TSPAN11: variants seen among roughly 807,000 people sequenced by gnomAD.
TSPAN11 encodes the protein tetraspanin-11.
In TSPAN11, 29 loss-of-function variants were observed where a neutral mutation model predicts 32.9. That is an observed-to-expected ratio of 0.88 (90% CI 0.66 to 1.20). TSPAN11 has a LOEUF of 1.20. Ranked by LOEUF, TSPAN11 falls within the 50% of genes most tolerant of loss-of-function variation. The pLI, the probability that TSPAN11 is intolerant of heterozygous loss-of-function variation, is 0.00. For missense variants in TSPAN11, 283 were observed against 329.1 expected (o/e 0.86, Z 1.08); for synonymous variants, 140 against 141.3 (o/e 0.99, Z 0.07).
At chr12:30,976,316 G>A (rs1281284433) in intron 3 of TSPAN11, among the ~76,000 whole-genome samples, 1 of 152,136 alleles carries the variant, frequency 6.6e-6, no homozygotes, top group African/African-American at 2.4e-5. Context: ...CTACACGAGG[G>A]GACCAAAGAA....
chr12:30,997,911 C>G (rs1382703084), downstream of TSPAN11, among the ~76,000 whole-genome samples: 1 of 152,194 alleles, frequency 6.6e-6, no homozygotes, highest in Non-Finnish European at 1.5e-5. Flanking sequence ...CAGGGGAGCT[C>G]CAGTCGCTCT....
intron 2 of TSPAN11, chr12:30,955,327 T>G (rs1453259159): frequency 6.6e-6 from 1 of 152,208 alleles, no homozygotes; most frequent in Admixed American, 6.5e-5. Flanking sequence ...ATAATAAAGC[T>G]GTGTTGATAT....
chr12:31,008,021 C>G, the TSPAN11 span, among the ~76,000 whole-genome samples: 190 of 152,350 alleles, frequency 1.2e-3, no homozygotes, highest in South Asian at 0.012. Context: ...AGGGCCGCAG[C>G]TCCCTGGAAC....
chr12:30,963,906 C>T lies in TSPAN11; in HGVS notation c.165C>T (p.Ser55=). 1.2e-6 allele frequency: 2 copies of T among 1,613,808 alleles called. No individual in the cohort carries two copies. Among genetic ancestry groups the T allele is most frequent in the Non-Finnish European group, 1.7e-6 (2 of 1,180,036 alleles). ...KSGYLSVLAS[S]TFAASAYILI... is the part of the protein sequence containing the mutation. ...GCTACCTCAGCGTCCTGGCCTCCAG[C>T]ACCTTTGCCGCCTCCGCCTACATCC... The change falls in exon 3 of 8, where the codon AGC becomes AGT. Residue 55 remains serine (S), a synonymous_variant. Coordinates refer to ENST00000546076, the MANE Select transcript of TSPAN11 (RefSeq NM_001370302.1).
chr12:30,993,194 C>A lies in TSPAN11; in HGVS notation c.*1279C>A, dbSNP rs1217202202. On this transcript the variant is annotated 3_prime_UTR_variant, in exon 8 of 8. Transcript: ENST00000546076. ...ACCTGGCTTCCACCCTCCCCAGCTCCTGCACTTCTCCCCAGAGCGGGACCC... is the reference window on the plus strand; with the variant it reads ...ACCTGGCTTCCACCCTCCCCAGCTCATGCACTTCTCCCCAGAGCGGGACCC... The A allele has an allele frequency of 6.6e-6, 1 of 152,308 alleles. No individual in the cohort carries two copies. Among genetic ancestry groups the A allele is most frequent in the African/African-American group, 2.4e-5 (1 of 41,462 alleles). The allele number at this position is 152,308 out of a possible 1,614,324, so 9.4% of individuals were successfully genotyped here.
At chr12:30,942,835 C>G (rs1432487341) in intron 1 of TSPAN11, among the ~76,000 whole-genome samples, 1 of 152,100 alleles carries the variant, frequency 6.6e-6, no homozygotes, top group Non-Finnish European at 1.5e-5. Flanking sequence ...TCGAGTTCTA[C>G]TGCACCATCC....
At chr12:30,972,265 T>C (rs895147253) in intron 3 of TSPAN11, among the ~76,000 whole-genome samples, 7 of 152,074 alleles carry the variant, frequency 4.6e-5, no homozygotes, top group African/African-American at 1.4e-4. Flanking sequence ...ACAGGGACCA[T>C]GAAGGCAGAA....
rs1939330914 is a variant in TSPAN11, at chr12:30,992,262, GAACAATC to G, written c.*348_*354del. ...TGCTCCCTCCCAGCTCCTGAACCTG[GAACAATC>G]GGCAGAAAACCCAGGAACCCCGGCA... is the stretch of plus-strand genomic sequence containing the variant. On this transcript the variant is annotated 3_prime_UTR_variant, in exon 8 of 8. Transcript: ENST00000546076. The G allele has an allele frequency of 5.7e-6, 2 of 350,310 alleles. No homozygotes were observed. The highest frequency in any genetic ancestry group is 1.1e-5 in the Non-Finnish European group (2 of 186,490). The allele number at this position is 350,310 out of a possible 1,614,324, so 21.7% of individuals were successfully genotyped here.
chr12:30,956,713 C>A (rs1257236640), intron 2 of TSPAN11, among the ~76,000 whole-genome samples: 2 of 135,792 alleles, frequency 1.5e-5, no homozygotes, highest in Admixed American at 7.3e-5. Context: ...TGTTTCTTTC[C>A]CCTACCATTT....
At position 30,965,551 on chromosome 12, in the gene TSPAN11, G is replaced by C. The variant is rs533192066; in HGVS notation, c.276+1534G>C. ...CCTGCAGCACTGGGAAACAGGCCCTGCATTCCTCCCAGAGCCCAATTAGAA... is the reference window on the plus strand; with the variant it reads ...CCTGCAGCACTGGGAAACAGGCCCTCCATTCCTCCCAGAGCCCAATTAGAA... On this transcript the variant is annotated intron_variant, in intron 3 of 7. Transcript: ENST00000546076. 8.9e-4 allele frequency among the ~76,000 whole-genome samples: 136 copies of C among 152,078 alleles called. 1 individual carries two copies. Among genetic ancestry groups the C allele is most frequent in the Non-Finnish European group, 1.8e-3 (122 of 68,026 alleles).
At chr12:30,952,796 G>A (rs1241868627) in intron 1 of TSPAN11, among the ~76,000 whole-genome samples, 5 of 152,184 alleles carry the variant, frequency 3.3e-5, no homozygotes, top group African/African-American at 7.2e-5. Context: ...GACTGAACAG[G>A]ACGACTGGCT....
At chr12:30,981,530 G>A (rs1331982383) in intron 5 of TSPAN11, among the ~76,000 whole-genome samples, 3 of 151,552 alleles carry the variant, frequency 2.0e-5, no homozygotes, top group Middle Eastern at 3.4e-3. Flanking sequence ...CAGTTCCCGC[G>A]TGACTCCTTC....
chr12:30,978,423 C>A, intron 3 of TSPAN11, 138 bp from the exon 4 acceptor site: 2 of 811,320 alleles, frequency 2.5e-6, no homozygotes, highest in South Asian at 1.6e-5. Context: ...GCCAGTGAGG[C>A]TGGTACATCC....
chr12:30,970,690 G>T (rs1480075093), intron 3 of TSPAN11, among the ~76,000 whole-genome samples: 1 of 152,160 alleles, frequency 6.6e-6, no homozygotes, highest in Non-Finnish European at 1.5e-5. Context: ...CAGGTGAAAT[G>T]GCTGAATCCC....
rs1387360603 is a variant in TSPAN11, at chr12:30,993,806, C to G, written c.*1891C>G. The G allele has an allele frequency of 6.6e-6, 1 of 152,330 alleles. No homozygotes were observed. Among genetic ancestry groups the G allele is most frequent in the African/African-American group, 2.4e-5 (1 of 41,456 alleles). The allele number at this position is 152,330 out of a possible 1,614,324, so 9.4% of individuals were successfully genotyped here. A position where few individuals can be genotyped will look rare whatever the true frequency, so the allele number is the denominator to read the frequency against. On this transcript the variant is annotated 3_prime_UTR_variant, in exon 8 of 8. Transcript: ENST00000546076. ...AGAGAAAGAGGGTACTGGGCTAGAG[C>G]CATGTTCTTCCTGCCGAGGTGCCAG...
intron 5 of TSPAN11, among the ~76,000 whole-genome samples, chr12:30,981,487 C>T (rs1939091355): frequency 6.6e-6 from 1 of 152,162 alleles, no homozygotes; most frequent in African/African-American, 2.4e-5. Context: ...TCAGGTGGCA[C>T]CAGCACAGAC....
At chr12:30,935,614 C>T (rs1398156506) in intron 1 of TSPAN11, among the ~76,000 whole-genome samples, 1 of 152,024 alleles carries the variant, frequency 6.6e-6, no homozygotes, top group Non-Finnish European at 1.5e-5. Flanking sequence ...GAAGTCCTGA[C>T]CTCAGGTGAT....
chr12:31,003,847 C>G, the TSPAN11 span, among the ~76,000 whole-genome samples: 2 of 152,186 alleles, frequency 1.3e-5, no homozygotes, highest in African/African-American at 2.4e-5. Flanking sequence ...GAGAAGCTGT[C>G]TTTACCCCAT....
chr12:30,982,483 C>G, intron 5 of TSPAN11, 49 bp from the exon 6 acceptor site: 3 of 1,575,086 alleles, frequency 1.9e-6, no homozygotes, highest in Non-Finnish European at 1.7e-6. Flanking sequence ...AGCCTGGGAC[C>G]CTACGCAGGC....
Sources: allele counts gnomAD v4.1 joint callset (sites outside exome capture counted in the v4.1 genomes callset), GRCh38; gene constraint gnomAD v4.1.1; transcripts MANE v1.5; gene names NCBI Gene and HGNC (gene_info 2026-07-23, HGNC 2026-07-21).